Variants in HSPA12A observed in about 807,000 individuals in gnomAD.
The protein encoded by HSPA12A is heat shock 70 kDa protein 12A.
HSPA12A carries 28 observed loss-of-function variants against 69.2 expected under a neutral mutation model. The observed-to-expected ratio is 0.40, with a 90% confidence interval of 0.30 to 0.55. The LOEUF (loss-of-function observed/expected upper bound fraction) is 0.55, where lower values mean the gene tolerates loss of function less well. Among genes scored for constraint, HSPA12A ranks in the 20% least tolerant of loss-of-function variants. HSPA12A has a pLI of 0.38. For synonymous variants in HSPA12A, 345 were observed against 370.5 expected, an observed-to-expected ratio of 0.93 and a Z score of 0.79; for missense variants, 686 against 900.7, an observed-to-expected ratio of 0.76 and a Z score of 3.05.
intron 1 of HSPA12A, among the ~76,000 whole-genome samples, chr10:116,713,553 A>G (rs1554883421): frequency 6.6e-6 from 1 of 152,152 alleles, no homozygotes; most frequent in African/African-American, 2.4e-5. Flanking sequence ...CTCCCTGAAT[A>G]GTCCAAGAGA....
chr10:116,704,718 C>T (rs1205402697), intron 3 of HSPA12A, among the ~76,000 whole-genome samples: 2 of 152,198 alleles, frequency 1.3e-5, no homozygotes, highest in African/African-American at 2.4e-5. Context: ...TGCACACACA[C>T]ATTGTGAGGG....
Position 116,674,572 on chromosome 10 carries a change from G to T in HSPA12A, c.*209C>A. 1 of 602,550 alleles carries T rather than the reference G, an allele frequency of 1.7e-6. No individual in the cohort carries two copies. The highest frequency in any genetic ancestry group is 2.1e-5 in the South Asian group (1 of 47,002). The allele number at this position is 602,550 out of a possible 1,614,324, so 37.3% of individuals were successfully genotyped here. A position where few individuals can be genotyped will look rare whatever the true frequency, so the allele number is the denominator to read the frequency against. ...CCTCCAGGATCCTTTAATTTTCTAT[G>T]CCTAAACCTTAATCTTAATTTCTGT... is the stretch of plus-strand genomic sequence containing the variant. On this transcript the variant is annotated 3_prime_UTR_variant, in exon 12 of 12. Coordinates refer to ENST00000369209, the MANE Select transcript of HSPA12A (RefSeq NM_025015.3).
At chr10:116,700,896 G>A (rs782749316) in intron 4 of HSPA12A, 47 bp downstream of exon 4, 2 of 1,583,766 alleles carry the variant, frequency 1.3e-6, no homozygotes, top group Admixed American at 1.7e-5. Flanking sequence ...GAGGAAGCTT[G>A]GCACTCCATT....
chr10:116,731,143 A>G (rs1188506388), intron 1 of HSPA12A, among the ~76,000 whole-genome samples: 1 of 152,248 alleles, frequency 6.6e-6, no homozygotes, highest in Non-Finnish European at 1.5e-5. Flanking sequence ...CCTTGTGCTT[A>G]GGCAGAACGG....
At chr10:116,810,537 C>A (rs1845158091) in intron 2 of HSPA12A, among the ~76,000 whole-genome samples, 1 of 152,194 alleles carries the variant, frequency 6.6e-6, no homozygotes, top group Non-Finnish European at 1.5e-5. Flanking sequence ...TCATATTCAC[C>A]ATGTCACTTA....
upstream of HSPA12A, among the ~76,000 whole-genome samples, chr10:116,744,721 C>T (rs1165102414): frequency 2.0e-5 from 3 of 152,262 alleles, no homozygotes; most frequent in Non-Finnish European, 4.4e-5. Context: ...CAGCGAGGGG[C>T]TGTTGTGGTC....
At chr10:116,693,353 C>T (rs1197913366) in intron 5 of HSPA12A, among the ~76,000 whole-genome samples, 6 of 152,162 alleles carry the variant, frequency 3.9e-5, no homozygotes, top group Admixed American at 2.0e-4. Context: ...ACCTGGTTCA[C>T]GGGGACAAAA....
rs959422478 is a variant in HSPA12A, at chr10:116,710,497, T to A, written c.41-3212A>T. 6.6e-6 allele frequency among the ~76,000 whole-genome samples: 1 copy of A among 152,118 alleles called. No homozygotes were observed. The highest frequency in any genetic ancestry group is 1.5e-5 in the Non-Finnish European group (1 of 68,028). On this transcript the variant is annotated intron_variant, in intron 1 of 11. Transcript: ENST00000369209. The surrounding 1 kb of genome is among the most constrained non-coding windows in gnomAD (Gnocchi z 4.1). ...CTTGGGTCCCCAGGGGACTCTAGGA[T>A]ACTTTGAGGGCAAGAAGCAAGGATT...
chr10:116,796,145 C>CAGAAAA (rs1844819457), intron 2 of HSPA12A, among the ~76,000 whole-genome samples: 1 of 110,702 alleles, frequency 9.0e-6, no homozygotes, highest in Non-Finnish European at 1.7e-5. Context: ...AAGACTCCAT[C>CAGAAAA]AAAAAAAAAA....
chr10:116,700,966 T>C lies in HSPA12A; in HGVS notation c.418A>G (p.Lys140Glu), dbSNP rs182257498. ...AKQWLYLEKF[K>E]MKLHTTGDLT... ...ACCCCAGTGGTGTGCAGCTTCATCTTGAACTTCTCCAGGTACAGCCACTGC... is the reference window on the plus strand; with the variant it reads ...ACCCCAGTGGTGTGCAGCTTCATCTCGAACTTCTCCAGGTACAGCCACTGC... The change falls in exon 4 of 12, where the codon AAG becomes GAG. Residue 140 changes from lysine (K) to glutamate (E), a missense_variant. Physicochemically the swap from Lys to Glu is moderately conservative, Grantham distance 56. Transcript: ENST00000369209. 1.2e-6 allele frequency: 2 copies of C among 1,613,914 alleles called. No individual in the cohort carries two copies. The highest frequency in any genetic ancestry group is 2.2e-5 in the East Asian group (1 of 44,830).
At chr10:116,718,062 A>C in intron 1 of HSPA12A, among the ~76,000 whole-genome samples, 1 of 152,094 alleles carries the variant, frequency 6.6e-6, no homozygotes. Context: ...TCTAAAACTC[A>C]CTGGGTCACT....
intron 2 of HSPA12A, chr10:116,830,878 G>A (rs1845601364): frequency 2.0e-5 from 3 of 152,448 alleles, no homozygotes; most frequent in Admixed American, 6.5e-5. Context: ...AGCAAGAGGG[G>A]CAGGGAGAGG....
intron 2 of HSPA12A, chr10:116,831,651 T>C (rs574396767): frequency 2.0e-5 from 3 of 152,336 alleles, no homozygotes; most frequent in South Asian, 2.1e-4. Context: ...TGAATACTAC[T>C]GGAGTCTATC....
upstream of HSPA12A, among the ~76,000 whole-genome samples, chr10:116,743,375 C>G (rs1321999296): frequency 1.3e-5 from 2 of 152,232 alleles, no homozygotes; most frequent in Non-Finnish European, 2.9e-5. Context: ...GTGTCACCAC[C>G]CTGCCTTGGC....
chr10:116,785,122 C>T (rs1486233881), intron 2 of HSPA12A, among the ~76,000 whole-genome samples: 7 of 152,290 alleles, frequency 4.6e-5, no homozygotes, highest in African/African-American at 1.7e-4. Context: ...GTCCTGGAAA[C>T]CCTCATTGTG....
intron 1 of HSPA12A, among the ~76,000 whole-genome samples, chr10:116,843,868 A>G (rs1845840465): frequency 6.6e-6 from 1 of 152,200 alleles, no homozygotes; most frequent in Admixed American, 6.5e-5. Flanking sequence ...AAAATAAACA[A>G]TATGTCTCTT....
At position 116,723,108 on chromosome 10, in the gene HSPA12A, T is replaced by C. The variant is rs1029179781; in HGVS notation, c.41-15823A>G. Among the ~76,000 whole-genome samples, 2 of 152,096 alleles carry C rather than the reference T, an allele frequency of 1.3e-5. No homozygotes were observed. Among genetic ancestry groups the C allele is most frequent in the African/African-American group, 4.8e-5 (2 of 41,418 alleles). The stretch of plus-strand genomic sequence containing the variant: ...CACATCACAACCACCACCATCATCA[T>C]GTCACTCCCAGCCTCAAGCACCTAC... On this transcript the variant is annotated intron_variant, in intron 1 of 11. Transcript: ENST00000369209. The surrounding 1 kb of genome is among the most constrained non-coding windows in gnomAD (Gnocchi z 4.1).
At chr10:116,685,261 C>T (rs897084196) in intron 6 of HSPA12A, among the ~76,000 whole-genome samples, 3 of 152,046 alleles carry the variant, frequency 2.0e-5, no homozygotes, top group Non-Finnish European at 4.4e-5. Flanking sequence ...TCTCATCAGG[C>T]GAAGTCGGCC....
chr10:116,833,421 CA>C (rs996485811), intron 2 of HSPA12A: 7 of 151,920 alleles, frequency 4.6e-5, no homozygotes, highest in African/African-American at 1.7e-4. Context: ...CAAAACAAAA[CA>C]AAAAAACAAG....
Sources: gnomAD v4.1 joint callset for allele counts (sites outside exome capture counted in the v4.1 genomes callset) on GRCh38, gnomAD v4.1.1 for gene constraint, Gnocchi (gnomAD v3.1) non-coding constraint, MANE v1.5 for transcripts, NCBI Gene and HGNC (gene_info 2026-07-23, HGNC 2026-07-21) for gene names.